The following VIT variants were observed in gnomAD, a reference collection of about 807,000 sequenced individuals.
VIT encodes the protein vitrin.
VIT carries 99 observed loss-of-function variants against 78.0 expected under a neutral mutation model. The observed-to-expected ratio is 1.27, with a 90% confidence interval of 1.08 to 1.50. The LOEUF is 1.50. Ranked by LOEUF, VIT falls within the 40% of genes most tolerant of loss-of-function variation. The pLI is 0.00. For missense variants in VIT, 1,126 were observed against 875.3 expected (o/e 1.29, Z -3.61); for synonymous variants, 374 against 334.3 (o/e 1.12, Z -1.29).
At chr2:36,804,389 A>T (rs184919821) in intron 13 of VIT, among the ~76,000 whole-genome samples, 2 of 152,220 alleles carry the variant, frequency 1.3e-5, no homozygotes, top group African/African-American at 4.8e-5. Context: ...AGCCAGCAGG[A>T]GCCTCAGGCT....
At chr2:36,739,733 T>C (rs78196400) in intron 3 of VIT, among the ~76,000 whole-genome samples, 2,188 of 152,220 alleles carry the variant, frequency 0.014, 27 homozygotes, top group Non-Finnish European at 0.022. Context: ...TAAGGAATCA[T>C]ATGAGACGGT....
chr2:36,727,340 G>A (rs969539546), intron 2 of VIT, among the ~76,000 whole-genome samples: 9 of 152,088 alleles, frequency 5.9e-5, no homozygotes, highest in South Asian at 2.1e-4. Context: ...TAGCGTGCAC[G>A]CACATAGATG....
At chr2:36,784,070 G>A (rs1664937605) in intron 11 of VIT, among the ~76,000 whole-genome samples, 2 of 152,176 alleles carry the variant, frequency 1.3e-5, no homozygotes, top group Admixed American at 6.5e-5. Context: ...ACACAGTAAA[G>A]TAAGAAGATA....
chr2:36,717,399 G>T (rs1419940815), intron 2 of VIT, among the ~76,000 whole-genome samples: 2 of 120,396 alleles, frequency 1.7e-5, no homozygotes, highest in South Asian at 5.8e-4. Flanking sequence ...TGTGTGTTTA[G>T]TAGAGATGGG....
rs1202084938 is a variant in VIT at position 36,772,568 on chromosome 2, A to G, written c.680-1223A>G. Reference sequence around the variant, plus strand: ...AAACAAAACAAAAACTTAGCAGAGCATGGTGATGTGCACTTGTAGTCTCAG... The same window carrying G: ...AAACAAAACAAAAACTTAGCAGAGCGTGGTGATGTGCACTTGTAGTCTCAG... On this transcript the variant is annotated intron_variant, in intron 7 of 15. Coordinates refer to ENST00000379242, the MANE Select transcript of VIT (RefSeq NM_053276.4). 2.0e-5 allele frequency among the ~76,000 whole-genome samples: 3 copies of G among 152,052 alleles called. 1 individual carries two copies. The highest frequency in any genetic ancestry group is 3.9e-4 in the East Asian group (2 of 5,118).
chr2:36,725,284 C>A (rs1174151052), intron 2 of VIT, among the ~76,000 whole-genome samples: 1 of 152,188 alleles, frequency 6.6e-6, no homozygotes, highest in Non-Finnish European at 1.5e-5. Context: ...GTCTGCTATA[C>A]AAAACTGCTA....
At chr2:36,775,257 A>G (rs1029278187) in intron 9 of VIT, among the ~76,000 whole-genome samples, 190 bp downstream of exon 9, 2 of 152,250 alleles carry the variant, frequency 1.3e-5, no homozygotes, top group Admixed American at 6.5e-5. Flanking sequence ...TTCTCAGTGC[A>G]TCAAAGAGAA....
intron 1 of VIT, among the ~76,000 whole-genome samples, chr2:36,714,523 C>G (rs1218526003): frequency 2.0e-5 from 3 of 152,134 alleles, no homozygotes; most frequent in African/African-American, 7.2e-5. Context: ...TTGGGCCACA[C>G]AACCATGGCA....
At chr2:36,798,061 A>G (rs760209689) in intron 12 of VIT, among the ~76,000 whole-genome samples, 10 of 152,198 alleles carry the variant, frequency 6.6e-5, no homozygotes, top group Non-Finnish European at 1.3e-4. Context: ...TGACTAGAAC[A>G]TGGAATATCC....
Position 36,759,428 on chromosome 2 carries a change from G to C in VIT, c.487+382G>C, listed in dbSNP as rs548527417. ...TAGATATGAAATGAAGAGAAGCAAAGAGAACGAGGTGGTTTATGTGATAAC... is the reference window on the plus strand; with the variant it reads ...TAGATATGAAATGAAGAGAAGCAAACAGAACGAGGTGGTTTATGTGATAAC... On this transcript the variant is annotated intron_variant, in intron 6 of 15. Transcript: ENST00000379242. 1.3e-5 allele frequency: 17 copies of C among 1,286,886 alleles called. No homozygotes were observed. In the Admixed American group the frequency reaches 3.5e-4, roughly 27 times the overall value. The allele number at this position is 1,286,886 out of a possible 1,614,324, so 79.7% of individuals were successfully genotyped here. A position where few individuals can be genotyped will look rare whatever the true frequency, so the allele number is the denominator to read the frequency against.
At chr2:36,786,984 A>T (rs1267722772) in intron 11 of VIT, 145 bp from the exon 12 acceptor site, 53 of 1,016,934 alleles carry the variant, frequency 5.2e-5, no homozygotes, top group Non-Finnish European at 7.3e-5. Flanking sequence ...TGGGATGTAA[A>T]TAAATATACC....
At chr2:36,780,156 C>T (rs1664645108) in intron 9 of VIT, among the ~76,000 whole-genome samples, 1 of 152,214 alleles carries the variant, frequency 6.6e-6, no homozygotes. Context: ...TAATTTGGTT[C>T]AAACTTGTCC....
At chr2:36,745,653 G>C (rs1668092865) in intron 4 of VIT, among the ~76,000 whole-genome samples, 1 of 152,048 alleles carries the variant, frequency 6.6e-6, no homozygotes, top group Admixed American at 6.6e-5. Flanking sequence ...TTATATATCG[G>C]TTTTGTATTC....
At chr2:36,784,921 A>G (rs1003666749) in intron 11 of VIT, among the ~76,000 whole-genome samples, 3 of 152,266 alleles carry the variant, frequency 2.0e-5, no homozygotes, top group African/African-American at 7.2e-5. Context: ...TAACCGTGGT[A>G]TCAGCCATCA....
Position 36,808,693 on chromosome 2 carries a change from C to A in VIT, c.1611C>A (p.Thr537=), listed in dbSNP as rs561556887. The A allele has an allele frequency of 3.1e-6, 5 of 1,614,206 alleles. No homozygotes were observed. In the East Asian group the frequency reaches 6.7e-5, roughly 22 times the overall value. ...RTVLQFVTNL[T]KEFEISDTDT... The stretch of plus-strand genomic sequence containing the variant: ...TCCTCCAGTTTGTGACCAACCTCAC[C>A]AAAGAGTTTGAGATTTCCGACACGG... Residue 537 remains threonine, a synonymous_variant, in exon 15 of 16, where the codon ACC becomes ACA. Coordinates refer to ENST00000379242, the MANE Select transcript of VIT (RefSeq NM_053276.4).
intron 6 of VIT, among the ~76,000 whole-genome samples, chr2:36,762,728 G>A (rs763979718): frequency 6.6e-6 from 1 of 152,074 alleles, no homozygotes; most frequent in Non-Finnish European, 1.5e-5. Context: ...AATGTGTCCC[G>A]TCTCTCTGAC....
chr2:36,730,784 G>C (rs1051204454), intron 3 of VIT, among the ~76,000 whole-genome samples: 1 of 152,224 alleles, frequency 6.6e-6, no homozygotes, highest in African/African-American at 2.4e-5. Context: ...TCAGCAGAGA[G>C]GGGACATGAG....
At chr2:36,764,958 G>A (rs141007155) in intron 6 of VIT, among the ~76,000 whole-genome samples, 1 of 151,956 alleles carries the variant, frequency 6.6e-6, no homozygotes, top group East Asian at 1.9e-4. Context: ...CTGCTGTGCT[G>A]TGTAACAAAA....
intron 5 of VIT, 31 bp downstream of exon 5, chr2:36,755,085 A>G: frequency 1.3e-6 from 2 of 1,597,926 alleles, no homozygotes; most frequent in African/African-American, 1.3e-5. Flanking sequence ...AACGCTGCTA[A>G]ACCTACCACA....
Sources: allele counts gnomAD v4.1 joint callset (sites outside exome capture counted in the v4.1 genomes callset), GRCh38; gene constraint gnomAD v4.1.1; transcripts MANE v1.5; gene names NCBI Gene and HGNC (gene_info 2026-07-23, HGNC 2026-07-21).